Variants in COL25A1 observed in about 807,000 individuals in gnomAD.
COL25A1 encodes the protein collagen type XXV alpha 1 chain, also known as collagen alpha-1(XXV) chain.
Under a neutral mutation model 128.4 loss-of-function variants are expected in COL25A1, and 103 were observed. That is an observed-to-expected ratio of 0.80 (90% CI 0.68 to 0.94). The LOEUF (loss-of-function observed/expected upper bound fraction) is 0.94, where lower values mean the gene tolerates loss of function less well. COL25A1 is among the 40% of genes least tolerant of loss of function. The pLI is 0.00. For missense variants in COL25A1, 745 were observed against 840.0 expected (o/e 0.89, Z 1.40); for synonymous variants, 279 against 277.2 (o/e 1.01, Z -0.06).
At chr4:109,192,684 T>C (rs1775713851) in intron 3 of COL25A1, among the ~76,000 whole-genome samples, 1 of 151,850 alleles carries the variant, frequency 6.6e-6, no homozygotes, top group South Asian at 2.1e-4. Context: ...AAACCCTGTC[T>C]CTATTAAAAT....
At chr4:108,889,182 T>A in intron 18 of COL25A1, 39 bp downstream of exon 18, 1 of 1,563,922 alleles carries the variant, frequency 6.4e-7, no homozygotes, top group South Asian at 1.1e-5. Flanking sequence ...AAATGGTGAA[T>A]ATGAGACAGT....
chr4:109,259,750 C>T (rs1444375326), intron 3 of COL25A1, among the ~76,000 whole-genome samples: 1 of 152,176 alleles, frequency 6.6e-6, no homozygotes, highest in Non-Finnish European at 1.5e-5. Flanking sequence ...TTCACATAAA[C>T]AACCTTTGAT....
In COL25A1 at chr4:108,811,584, T is replaced by C. The variant is rs1417898850; in HGVS notation, c.*2343A>G. On this transcript the variant is annotated 3_prime_UTR_variant, in exon 38 of 38. Transcript: ENST00000399132. Reference sequence around the variant, plus strand: ...AAAAAAATATAGCCACTGGACACTGTAGTTTGTTTTCCTGAAGAGAATGTA... The same window carrying C: ...AAAAAAATATAGCCACTGGACACTGCAGTTTGTTTTCCTGAAGAGAATGTA... 2 of 152,130 alleles carry C rather than the reference T, an allele frequency of 1.3e-5. No homozygotes were observed. The highest frequency in any genetic ancestry group is 2.9e-5 in the Non-Finnish European group (2 of 67,974). 9.4% of individuals were successfully genotyped at this position (152,130 alleles called of 1,614,324 possible).
chr4:109,012,942 G>A (rs1756786125), intron 5 of COL25A1, among the ~76,000 whole-genome samples: 1 of 152,252 alleles, frequency 6.6e-6, no homozygotes, highest in Admixed American at 6.5e-5. Context: ...CCTGAGTCAG[G>A]TGGGAACTTG....
At chr4:109,281,320 T>C (rs1304239198) in intron 3 of COL25A1, among the ~76,000 whole-genome samples, 2 of 152,050 alleles carry the variant, frequency 1.3e-5, no homozygotes, top group Non-Finnish European at 2.9e-5. Context: ...ATAAATTGAC[T>C]TAAAGTCATT....
chr4:109,162,143 T>C (rs1053462159), intron 3 of COL25A1, among the ~76,000 whole-genome samples: 5 of 152,146 alleles, frequency 3.3e-5, no homozygotes, highest in Admixed American at 6.5e-5. Flanking sequence ...ATACAGGCAA[T>C]TGAAGATATA....
At chr4:108,905,938 G>C (rs1400119000) in intron 13 of COL25A1, among the ~76,000 whole-genome samples, 1 of 151,996 alleles carries the variant, frequency 6.6e-6, no homozygotes, top group Non-Finnish European at 1.5e-5. Flanking sequence ...AGGAGATCAA[G>C]TTCTTGTGTG....
At chr4:109,029,004 TAG>T (rs1004971511) in intron 5 of COL25A1, among the ~76,000 whole-genome samples, 2 of 151,992 alleles carry the variant, frequency 1.3e-5, no homozygotes, top group Non-Finnish European at 2.9e-5. Flanking sequence ...CATGTTAGAT[TAG>T]AGAGAGAGTG....
intron 5 of COL25A1, chr4:109,021,713 C>T (rs987392622): frequency 2.2e-5 from 10 of 452,990 alleles, no homozygotes; most frequent in African/African-American, 1.8e-4. Context: ...AGAGATATCA[C>T]CAAATTCTTT....
chr4:108,871,691 A>C (rs1478523895), intron 19 of COL25A1, among the ~76,000 whole-genome samples: 1 of 152,194 alleles, frequency 6.6e-6, no homozygotes. Flanking sequence ...TATCTACCGT[A>C]TCTATACATT....
chr4:108,985,690 G>A (rs564219508), intron 6 of COL25A1, among the ~76,000 whole-genome samples: 35 of 152,326 alleles, frequency 2.3e-4, no homozygotes, highest in African/African-American at 8.2e-4. Flanking sequence ...GTTTTGGGAA[G>A]ATGGGGTTGA....
At chr4:109,176,849 A>G (rs1578362417) in intron 3 of COL25A1, among the ~76,000 whole-genome samples, 1 of 152,168 alleles carries the variant, frequency 6.6e-6, no homozygotes, top group East Asian at 1.9e-4. Flanking sequence ...CAGGAGCTCC[A>G]CAAGGCCAAG....
intron 8 of COL25A1, among the ~76,000 whole-genome samples, chr4:108,953,212 A>G (rs1749666611): frequency 6.6e-6 from 1 of 152,190 alleles, no homozygotes; most frequent in African/African-American, 2.4e-5. Context: ...TTGGAACAGT[A>G]GAGCAGGGAG....
chr4:108,973,030 AAAG>A (rs1752073253), intron 8 of COL25A1, among the ~76,000 whole-genome samples: 3 of 152,200 alleles, frequency 2.0e-5, no homozygotes, highest in South Asian at 2.1e-4. Flanking sequence ...TCCTTTGCCA[AAAG>A]AAGATTTCTC....
intron 3 of COL25A1, among the ~76,000 whole-genome samples, chr4:109,077,965 G>A (rs965958155): frequency 2.0e-5 from 3 of 152,184 alleles, no homozygotes; most frequent in African/African-American, 7.2e-5. Context: ...TAATTTTGGG[G>A]ATGGAGAGAG....
At chr4:108,872,505 A>T (rs1290026537) in intron 19 of COL25A1, among the ~76,000 whole-genome samples, 1 of 152,202 alleles carries the variant, frequency 6.6e-6, no homozygotes. Context: ...TGTGGGGTTT[A>T]GGATAGTAGC....
chr4:109,282,134 T>G (rs1723436745), intron 3 of COL25A1, among the ~76,000 whole-genome samples: 1 of 152,160 alleles, frequency 6.6e-6, no homozygotes, highest in Non-Finnish European at 1.5e-5. Context: ...TTTTTAAAGC[T>G]AGTTCATCTC....
chr4:109,025,971 A>C (rs1758226078), intron 5 of COL25A1, among the ~76,000 whole-genome samples: 1 of 152,092 alleles, frequency 6.6e-6, no homozygotes, highest in South Asian at 2.1e-4. Context: ...CACTTGTGTC[A>C]TGCTGGCTGC....
chr4:108,842,764 A>T (rs1239245874), intron 30 of COL25A1, among the ~76,000 whole-genome samples: 2 of 152,270 alleles, frequency 1.3e-5, no homozygotes, highest in African/African-American at 4.8e-5. Flanking sequence ...TTCTAATTTA[A>T]CCTTCTATCT....
Sources: gnomAD v4.1 joint callset for allele counts (sites outside exome capture counted in the v4.1 genomes callset) on GRCh38, gnomAD v4.1.1 for gene constraint, MANE v1.5 for transcripts, NCBI Gene and HGNC (gene_info 2026-07-23, HGNC 2026-07-21) for gene names.